Variants in SLC9A9 observed in about 807,000 individuals in gnomAD.
SLC9A9 encodes solute carrier family 9 member A9.
SLC9A9 carries 62 observed loss-of-function variants against 77.8 expected under a neutral mutation model. That is an observed-to-expected ratio of 0.80 (90% confidence interval 0.65 to 0.98). The LOEUF is 0.98. Ranked by LOEUF, SLC9A9 falls within the 50% of genes least tolerant of loss-of-function variation. The probability of loss-of-function intolerance (pLI) is 0.00; values close to 1 mark genes in which losing one functional copy is unlikely to be tolerated. For missense variants in SLC9A9, 775 were observed against 774.9 expected, an observed-to-expected ratio of 1.00 and a Z score of 0.00; for synonymous variants, 320 against 283.5, an observed-to-expected ratio of 1.13 and a Z score of -1.29.
At chr3:143,815,864 C>CA (rs1292491445) in intron 2 of SLC9A9, among the ~76,000 whole-genome samples, 1 of 151,864 alleles carries the variant, frequency 6.6e-6, no homozygotes, top group South Asian at 2.1e-4. Context: ...GATTCCATCT[C>CA]AAAAAAACAA....
chr3:143,436,137 C>T (rs1015586448), intron 12 of SLC9A9, among the ~76,000 whole-genome samples: 24 of 152,254 alleles, frequency 1.6e-4, no homozygotes, highest in African/African-American at 3.9e-4. Context: ...AGTACCTGTC[C>T]GGACATCAGG....
intron 12 of SLC9A9, among the ~76,000 whole-genome samples, chr3:143,453,250 G>T (rs2035037604): frequency 6.6e-6 from 1 of 151,950 alleles, no homozygotes; most frequent in African/African-American, 2.4e-5. Flanking sequence ...GAATCAGAGG[G>T]CTTCACAGTT....
chr3:143,347,792 T>C (rs1399549468), intron 14 of SLC9A9, among the ~76,000 whole-genome samples: 1 of 152,142 alleles, frequency 6.6e-6, no homozygotes, highest in African/African-American at 2.4e-5. Flanking sequence ...GATCTGTGAG[T>C]GAGCAGCTAT....
intron 6 of SLC9A9, among the ~76,000 whole-genome samples, chr3:143,583,473 T>C (rs2037490191): frequency 1.3e-5 from 2 of 152,232 alleles, no homozygotes; most frequent in Non-Finnish European, 2.9e-5. Context: ...TATATGATGC[T>C]CCTGCAAGGA....
At chr3:143,722,341 C>T (rs1370567074) in intron 4 of SLC9A9, among the ~76,000 whole-genome samples, 1 of 151,706 alleles carries the variant, frequency 6.6e-6, no homozygotes, top group Non-Finnish European at 1.5e-5. Flanking sequence ...GGCGTAGTGG[C>T]GGGCACCTGT....
chr3:143,518,272 T>C, intron 9 of SLC9A9: 1 of 1,439,082 alleles, frequency 6.9e-7, no homozygotes, highest in Non-Finnish European at 9.7e-7. Flanking sequence ...GCAGCCCGGT[T>C]CCAGGCCCAG....
At chr3:143,298,801 G>T (rs1293546864) in intron 14 of SLC9A9, among the ~76,000 whole-genome samples, 1 of 152,072 alleles carries the variant, frequency 6.6e-6, no homozygotes, top group Non-Finnish European at 1.5e-5. Context: ...AGCTTGCTCT[G>T]GGATTTCTGG....
At chr3:143,368,581 A>G (rs956607313) in intron 13 of SLC9A9, among the ~76,000 whole-genome samples, 1 of 152,202 alleles carries the variant, frequency 6.6e-6, no homozygotes, top group Non-Finnish European at 1.5e-5. Context: ...ATTCAATATT[A>G]ATGTCAGTGG....
intron 5 of SLC9A9, among the ~76,000 whole-genome samples, chr3:143,659,753 G>T (rs2108754938): frequency 6.6e-6 from 1 of 152,312 alleles, no homozygotes; most frequent in East Asian, 1.9e-4. Context: ...GCCAAAAGGA[G>T]TTTTGCAGGT....
At chr3:143,488,933 A>G (rs1184852183) in intron 11 of SLC9A9, among the ~76,000 whole-genome samples, 1 of 151,964 alleles carries the variant, frequency 6.6e-6, no homozygotes, top group Non-Finnish European at 1.5e-5. Flanking sequence ...TCAAACTGAA[A>G]AAGAAGTAAA....
At chr3:143,302,187 G>A (rs1392987760) in intron 14 of SLC9A9, among the ~76,000 whole-genome samples, 2 of 152,178 alleles carry the variant, frequency 1.3e-5, no homozygotes, top group Non-Finnish European at 2.9e-5. Flanking sequence ...GTTGCCTTGA[G>A]CATTAAAGCT....
chr3:143,792,174 G>A (rs2008244857), intron 4 of SLC9A9, among the ~76,000 whole-genome samples: 1 of 152,102 alleles, frequency 6.6e-6, no homozygotes, highest in Non-Finnish European at 1.5e-5. Context: ...TTTAAAAAGG[G>A]CATGATACGT....
At chr3:143,323,010 G>A (rs2031469938) in intron 14 of SLC9A9, among the ~76,000 whole-genome samples, 1 of 152,156 alleles carries the variant, frequency 6.6e-6, no homozygotes, top group African/African-American at 2.4e-5. Context: ...TCAGAGAAAT[G>A]CAAATCAAAA....
At chr3:143,574,340 C>A in intron 7 of SLC9A9, 147 bp from the exon 8 acceptor site, 1 of 710,084 alleles carries the variant, frequency 1.4e-6, no homozygotes, top group Non-Finnish European at 2.5e-6. Flanking sequence ...CCATAATTCT[C>A]ACTGGGACCT....
chr3:143,281,301 T>C (rs2108406675), intron 14 of SLC9A9, among the ~76,000 whole-genome samples: 1 of 152,328 alleles, frequency 6.6e-6, no homozygotes, highest in South Asian at 2.1e-4. Context: ...CTTTGCTTGA[T>C]GAGCCACTAA....
chr3:143,269,117 C>G (rs1937825031), intron 14 of SLC9A9, 137 bp from the exon 15 acceptor site: 2 of 695,176 alleles, frequency 2.9e-6, no homozygotes, highest in Non-Finnish European at 5.2e-6. Context: ...GAAATTTGCC[C>G]TGCAAAAATT....
At chr3:143,492,982 C>T (rs80300647) in intron 11 of SLC9A9, among the ~76,000 whole-genome samples, 2,134 of 152,266 alleles carry the variant, frequency 0.014, 41 homozygotes, top group East Asian at 0.12. Context: ...ATCTCCAGAG[C>T]TTTCAAGGTC....
intron 9 of SLC9A9, among the ~76,000 whole-genome samples, chr3:143,502,485 A>G (rs889994736): frequency 6.6e-6 from 1 of 152,210 alleles, no homozygotes; most frequent in African/African-American, 2.4e-5. Context: ...AAAAAAAGTC[A>G]TATCTATTTT....
chr3:143,322,075 C>G (rs1029476671), intron 14 of SLC9A9, among the ~76,000 whole-genome samples: 1 of 152,338 alleles, frequency 6.6e-6, no homozygotes, highest in African/African-American at 2.4e-5. Context: ...GAGTCCTGAC[C>G]TTTTGGTTGC....
Sources: gnomAD v4.1 joint callset for allele counts (sites outside exome capture counted in the v4.1 genomes callset) on GRCh38, gnomAD v4.1.1 for gene constraint, MANE v1.5 for transcripts, NCBI Gene and HGNC (gene_info 2026-07-23, HGNC 2026-07-21) for gene names.